The following CNTN2 variants were observed in gnomAD, a reference collection of about 807,000 sequenced individuals.
CNTN2 encodes the protein contactin-2.
In CNTN2, 53 loss-of-function variants were observed where a neutral mutation model predicts 117.5. That is an observed-to-expected ratio of 0.45 (90% CI 0.36 to 0.57). CNTN2 has a LOEUF of 0.57. Ranked by LOEUF, CNTN2 falls within the 20% of genes least tolerant of loss-of-function variation. The probability of loss-of-function intolerance (pLI) is 0.00; values close to 1 mark genes in which losing one functional copy is unlikely to be tolerated. For missense variants in CNTN2, 1,106 were observed against 1,404.3 expected (o/e 0.79, Z 3.39); for synonymous variants, 530 against 561.7 (o/e 0.94, Z 0.80).
rs369729930 is a variant in CNTN2, at chr1:205,073,224, G to A, written c.3001G>A (p.Val1001Met). The A allele has an allele frequency of 8.1e-5, 131 of 1,613,914 alleles. 1 individual carries two copies. In the South Asian group the frequency reaches 1.1e-3, roughly 14 times the overall value. ...GDGIPAEVHI[V>M]RNGGTSMMVE... is the part of the protein sequence containing the mutation. Reference sequence around the variant, plus strand: ...TGGGATCCCTGCAGAAGTCCACATCGTGAGGAATGGAGGTGCTGCTCCTCC... The same window carrying A: ...TGGGATCCCTGCAGAAGTCCACATCATGAGGAATGGAGGTGCTGCTCCTCC... Residue 1001 changes from valine (V) to methionine (M), a missense_variant, in exon 22 of 23, where the codon GTG (valine) becomes ATG (methionine). Physicochemically the swap from Val to Met is conservative, Grantham distance 21. Coordinates refer to ENST00000331830, the MANE Select transcript of CNTN2 (RefSeq NM_005076.5). The surrounding 1 kb of genome is among the most constrained non-coding windows in gnomAD (Gnocchi z 6.3).
At position 205,058,400 on chromosome 1, in the gene CNTN2, G is replaced by T. The variant is rs1157286031; in HGVS notation, c.391+44G>T. The T allele has an allele frequency of 1.3e-6, 2 of 1,532,570 alleles. No individual in the cohort carries two copies. Among genetic ancestry groups the T allele is most frequent in the South Asian group, 1.3e-5 (1 of 79,230 alleles). 94.9% of individuals were successfully genotyped at this position (1,532,570 alleles called of 1,614,324 possible). A position where few individuals can be genotyped will look rare whatever the true frequency, so the allele number is the denominator to read the frequency against. ...CAAGACACTTTGGGGGAGGGGGAGA[G>T]GGGGCTAGGAGAAATTACTGAGAAA... On this transcript the variant is annotated intron_variant, in intron 4 of 22. Coordinates refer to ENST00000331830, the MANE Select transcript of CNTN2 (RefSeq NM_005076.5). The surrounding 1 kb of genome is among the most constrained non-coding windows in gnomAD (Gnocchi z 4.3).
chr1:205,046,120 CCG>C (rs1286097022), intron 1 of CNTN2, among the ~76,000 whole-genome samples: 2 of 152,154 alleles, frequency 1.3e-5, no homozygotes, highest in East Asian at 3.9e-4. Context: ...TCTGTGGGCT[CCG>C]TATCCTGACG....
At chr1:205,072,710 G>C (rs1654657179) in intron 21 of CNTN2, 115 bp downstream of exon 21, 1 of 783,606 alleles carries the variant, frequency 1.3e-6, no homozygotes, top group Non-Finnish European at 2.2e-6. Flanking sequence ...CATAAGCAAA[G>C]GGTTTGTGAC....
chr1:205,058,457 T>C lies in CNTN2; in HGVS notation c.391+101T>C. 6.5e-7 allele frequency: 1 copy of C among 1,536,366 alleles called. No individual in the cohort carries two copies. The highest frequency in any genetic ancestry group is 8.9e-7 in the Non-Finnish European group (1 of 1,123,388). ...GGGACACCCTCAAGCCGGGCCTTCC[T>C]GACCTCACATGACATGCCTTAGTGA... On this transcript the variant is annotated intron_variant, in intron 4 of 22. Transcript: ENST00000331830. The surrounding 1 kb of genome is among the most constrained non-coding windows in gnomAD (Gnocchi z 4.3).
rs1340726271 is a variant in CNTN2 at position 205,061,297 on chromosome 1, T to C, written c.850T>C (p.Trp284Arg). The C allele has an allele frequency of 5.6e-6, 9 of 1,613,940 alleles. No homozygotes were observed. The highest frequency in any genetic ancestry group is 4.0e-5 in the African/African-American group (3 of 74,908). The change falls in exon 8 of 23, where the codon TGG becomes CGG. Residue 284 changes from tryptophan to arginine, a missense_variant. Physicochemically the swap from Trp to Arg is moderately radical, Grantham distance 101. Coordinates refer to ENST00000331830, the MANE Select transcript of CNTN2 (RefSeq NM_005076.5). The surrounding 1 kb of genome is among the most constrained non-coding windows in gnomAD (Gnocchi z 4.8). ...AGTGGACGGCTCCCTGTCCCCGCAG[T>C]GGACCACAGCTGAGCCCACCCTGCA... ...RKVDGSLSPQ[W>R]TTAEPTLQIP...
Position 205,064,123 on chromosome 1 carries a change from C to T in CNTN2, c.1241-199C>T, listed in dbSNP as rs936213426. ...GGGTGGCAGGGGTGGTGGTGAGGGG[C>T]GGAGGGGGGGCGCGTTGTCAATAGT... On this transcript the variant is annotated intron_variant, in intron 10 of 22. Transcript: ENST00000331830. Among the ~76,000 whole-genome samples the T allele has an allele frequency of 3.6e-4, 5 of 13,822 alleles. No individual in the cohort carries two copies. The South Asian group carries it at 0.016, about 45-fold the overall frequency. The allele number at this position is 13,822 out of a possible 152,430, so 9.1% of individuals were successfully genotyped here. A position where few individuals can be genotyped will look rare whatever the true frequency, so the allele number is the denominator to read the frequency against.
rs984944046 is a variant in CNTN2 at position 205,048,043 on chromosome 1, T to C, written c.-87+4649T>C. Among the ~76,000 whole-genome samples the C allele has an allele frequency of 2.0e-5, 3 of 152,178 alleles. No individual in the cohort carries two copies. Among genetic ancestry groups the C allele is most frequent in the African/African-American group, 7.2e-5 (3 of 41,434 alleles). On this transcript the variant is annotated intron_variant, in intron 1 of 22. Coordinates refer to ENST00000331830, the MANE Select transcript of CNTN2 (RefSeq NM_005076.5). The surrounding 1 kb of genome is among the most constrained non-coding windows in gnomAD (Gnocchi z 4.1). Reference sequence around the variant, plus strand: ...TTAACCAGTGTGCTGTTTTATAGGATAGAGGTCAAGCGGGGGCCTGAAGGG... The same window carrying C: ...TTAACCAGTGTGCTGTTTTATAGGACAGAGGTCAAGCGGGGGCCTGAAGGG...
chr1:205,067,236 G>A lies in CNTN2; in HGVS notation c.2111G>A (p.Arg704Gln), dbSNP rs139732381. ...GEPSGPSSKI[R>Q]TREAAPSVAP... ...CCTAGTGGGCCCTCCAGCAAAATCC[G>A]GACCAGGGAAGCAGGTGAGAGTCCT... Residue 704 changes from arginine to glutamine, a missense_variant, in exon 16 of 23, where the codon CGG becomes CAG. By Grantham distance (43) the Arg-to-Gln change is conservative (BLOSUM62 1). Coordinates refer to ENST00000331830, the MANE Select transcript of CNTN2 (RefSeq NM_005076.5). The A allele has an allele frequency of 5.2e-5, 84 of 1,613,162 alleles. No homozygotes were observed. The highest frequency in any genetic ancestry group is 1.6e-4 in the South Asian group (15 of 90,952).
At chr1:205,047,436 A>G (rs1371171999) in intron 1 of CNTN2, among the ~76,000 whole-genome samples, 2 of 152,262 alleles carry the variant, frequency 1.3e-5, no homozygotes, top group East Asian at 3.9e-4. Flanking sequence ...TTCTTGTCTT[A>G]GGCAAAGGAA....
intron 20 of CNTN2, 125 bp from the exon 21 acceptor site, chr1:205,072,358 C>T: frequency 1.4e-6 from 1 of 738,584 alleles, no homozygotes. Flanking sequence ...GTTTCGTGGG[C>T]ATGACAGAAT....
At chr1:205,049,325 C>G (rs934092084) in intron 1 of CNTN2, among the ~76,000 whole-genome samples, 2 of 142,308 alleles carry the variant, frequency 1.4e-5, no homozygotes, top group South Asian at 2.3e-4. Flanking sequence ...CACACACACA[C>G]AGACATACAC....
chr1:205,072,795 T>C (rs1363461915), intron 21 of CNTN2, 200 bp downstream of exon 21: 2 of 655,226 alleles, frequency 3.1e-6, no homozygotes, highest in Non-Finnish European at 5.3e-6. Flanking sequence ...GCAGATGGTA[T>C]CACTGCAGAA....
Position 205,059,581 on chromosome 1 carries a change from A to G in CNTN2, c.698-2A>G. On this transcript the variant is annotated splice_acceptor_variant, in intron 6 of 22. Coordinates refer to ENST00000331830, the MANE Select transcript of CNTN2 (RefSeq NM_005076.5). LOFTEE classifies it high-confidence loss of function. This position sits in a 1 kb window ranked among gnomAD's most constrained non-coding sequence, Gnocchi z 5.6. ...CTGATTTGTAAAACCCTCTCTCCCC[A>G]GATACCCGGCTCTTTGCACCCAGCA... 1 of 1,614,078 alleles carries G rather than the reference A, an allele frequency of 6.2e-7. No individual in the cohort carries two copies. Among genetic ancestry groups the G allele is most frequent in the Non-Finnish European group, 8.5e-7 (1 of 1,179,934 alleles).
intron 10 of CNTN2, 94 bp from the exon 11 acceptor site, chr1:205,064,228 A>G: frequency 1.5e-6 from 2 of 1,329,250 alleles, no homozygotes; most frequent in Middle Eastern, 3.9e-4. Context: ...TGCTAATAGG[A>G]GTCACTCATG....
At chr1:205,049,587 G>A (rs184027130) in intron 1 of CNTN2, among the ~76,000 whole-genome samples, 5 of 152,230 alleles carry the variant, frequency 3.3e-5, no homozygotes, top group Admixed American at 2.6e-4. Context: ...TCCAGCCCCT[G>A]GTTGTCTGTC....
At chr1:205,060,715 C>CAAAAAAAAA (rs34919627) in intron 7 of CNTN2, 44 of 95,966 alleles carry the variant, frequency 4.6e-4, no homozygotes, top group African/African-American at 1.1e-3. Context: ...GACTCCGTCT[C>CAAAAAAAAA]AAAAAAAAAA....
At position 205,062,588 on chromosome 1, in the gene CNTN2, C is replaced by T; in HGVS notation, c.1240+19C>T. 1 of 1,606,244 alleles carries T rather than the reference C, an allele frequency of 6.2e-7. No individual in the cohort carries two copies. The highest frequency in any genetic ancestry group is 1.1e-5 in the South Asian group (1 of 90,064). On this transcript the variant is annotated intron_variant, in intron 10 of 22. Coordinates refer to ENST00000331830, the MANE Select transcript of CNTN2 (RefSeq NM_005076.5). ...GTGCAAGGTAAGGGGCCCAGGGAGG[C>T]AGGGGACATCCCAAGGACATGCATA...
intron 1 of CNTN2, among the ~76,000 whole-genome samples, chr1:205,044,059 C>T (rs1045339930): frequency 1.3e-5 from 2 of 152,130 alleles, no homozygotes; most frequent in Non-Finnish European, 2.9e-5. Flanking sequence ...TCCTTCCCTT[C>T]CCCCTCCCAA....
intron 1 of CNTN2, among the ~76,000 whole-genome samples, chr1:205,046,372 C>T (rs2096441609): frequency 6.6e-6 from 1 of 152,224 alleles, no homozygotes. Context: ...CAGCCCCTCA[C>T]ACACACCCAT....
Sources: gnomAD v4.1 joint callset for allele counts (sites outside exome capture counted in the v4.1 genomes callset) on GRCh38, gnomAD v4.1.1 for gene constraint, Gnocchi (gnomAD v3.1) non-coding constraint, MANE v1.5 for transcripts, NCBI Gene and HGNC (gene_info 2026-07-23, HGNC 2026-07-21) for gene names.